The following CDK6 variants were observed in gnomAD, a reference collection of about 807,000 sequenced individuals.
CDK6 encodes cyclin-dependent kinase 6.
In CDK6, 6 loss-of-function variants were observed where a neutral mutation model predicts 37.1. That is an observed-to-expected ratio of 0.16 (90% CI 0.09 to 0.32). The LOEUF (loss-of-function observed/expected upper bound fraction) is 0.32, where lower values mean the gene tolerates loss of function less well. CDK6 is among the 10% of genes least tolerant of loss of function. CDK6 has a pLI of 1.00. For missense variants in CDK6, 224 were observed against 418.9 expected, an observed-to-expected ratio of 0.53 and a Z score of 4.06; for synonymous variants, 160 against 161.3, an observed-to-expected ratio of 0.99 and a Z score of 0.06.
rs147710509 is a variant in CDK6 at position 92,827,133 on chromosome 7, A to C, written c.233+5958T>G. 4.0e-3 allele frequency among the ~76,000 whole-genome samples: 603 copies of C among 152,308 alleles called. 2 individuals carry two copies. The highest frequency in any genetic ancestry group is 0.014 in the African/African-American group (581 of 41,568). ...TAAAACTGTTCACTAACAGTGAGAT[A>C]ATTTTTTGCATTCATAAAACAACTC... On this transcript the variant is annotated intron_variant, in intron 2 of 7. Transcript: ENST00000424848.
intron 2 of CDK6, among the ~76,000 whole-genome samples, chr7:92,806,914 C>T (rs1434091191): frequency 6.6e-6 from 1 of 152,162 alleles, no homozygotes; most frequent in East Asian, 1.9e-4. Context: ...TTGTGTTTCC[C>T]ACAAGAGACA....
intron 2 of CDK6, among the ~76,000 whole-genome samples, chr7:92,813,020 C>A (rs1168584279): frequency 6.6e-6 from 1 of 152,182 alleles, no homozygotes; most frequent in African/African-American, 2.4e-5. Flanking sequence ...AAGTAAGTTA[C>A]AACTAAATTC....
intron 4 of CDK6, among the ~76,000 whole-genome samples, chr7:92,696,733 T>C (rs1271444513): frequency 6.6e-6 from 1 of 152,206 alleles, no homozygotes; most frequent in Non-Finnish European, 1.5e-5. Flanking sequence ...TCATGGACAG[T>C]GTCACCCCTT....
At chr7:92,831,387 C>G (rs556189471) in intron 2 of CDK6, among the ~76,000 whole-genome samples, 2 of 152,302 alleles carry the variant, frequency 1.3e-5, no homozygotes, top group East Asian at 3.9e-4. Context: ...ATGATAAGCA[C>G]CCTTAACTGG....
chr7:92,663,155 G>C (rs1471061806), intron 5 of CDK6, among the ~76,000 whole-genome samples: 1 of 152,078 alleles, frequency 6.6e-6, no homozygotes, highest in Non-Finnish European at 1.5e-5. Flanking sequence ...GAAGTAAGAG[G>C]GAAGAAAGAA....
At chr7:92,675,411 T>A (rs948784977) in intron 4 of CDK6, among the ~76,000 whole-genome samples, 1 of 152,216 alleles carries the variant, frequency 6.6e-6, no homozygotes, top group Non-Finnish European at 1.5e-5. Flanking sequence ...TAATGACGTA[T>A]TAGTTACATT....
chr7:92,748,808 A>T (rs1799118964), intron 3 of CDK6, among the ~76,000 whole-genome samples: 1 of 152,108 alleles, frequency 6.6e-6, no homozygotes, highest in South Asian at 2.1e-4. Context: ...ATATATGACT[A>T]CTCATATCCC....
In CDK6 at chr7:92,611,452, TAAAAG is replaced by T; in HGVS notation, c.*3683_*3687del. ...TCATAAGAATAGTCAAATTGTCACT[TAAAAG>T]AAAAGCAATATTTTAGAAGAATTTT... On this transcript the variant is annotated 3_prime_UTR_variant, in exon 8 of 8. Coordinates refer to ENST00000424848, the MANE Select transcript of CDK6 (RefSeq NM_001145306.2). 1 of 227,250 alleles carries T rather than the reference TAAAAG, an allele frequency of 4.4e-6. No homozygotes were observed. Among genetic ancestry groups the T allele is most frequent in the Non-Finnish European group, 8.7e-6 (1 of 114,338 alleles). The allele number at this position is 227,250 out of a possible 1,614,324, so 14.1% of individuals were successfully genotyped here. A position where few individuals can be genotyped will look rare whatever the true frequency, so the allele number is the denominator to read the frequency against.
chr7:92,725,879 T>C (rs2116711379), intron 3 of CDK6, 86 bp from the exon 4 acceptor site: 1 of 1,225,156 alleles, frequency 8.2e-7, no homozygotes, highest in South Asian at 1.4e-5. Flanking sequence ...CCTTAGCATT[T>C]TGTGGCTGCT....
chr7:92,777,799 T>C (rs2115799664), intron 2 of CDK6, among the ~76,000 whole-genome samples: 1 of 152,322 alleles, frequency 6.6e-6, no homozygotes, highest in Admixed American at 6.5e-5. Context: ...GGGGATAGCA[T>C]TGAATATATA....
At position 92,686,320 on chromosome 7, in the gene CDK6, T is replaced by TC. The variant is rs1797452864; in HGVS notation, c.538-14786dup. On this transcript the variant is annotated intron_variant, in intron 4 of 7. Coordinates refer to ENST00000424848, the MANE Select transcript of CDK6 (RefSeq NM_001145306.2). ...CCCTGAATCCCCAAAGTCCACTGTA[T>TC]CATTCTTATGCCTTTGCATCCTCAT... Among the ~76,000 whole-genome samples, 8 of 152,204 alleles carry TC rather than the reference T, an allele frequency of 5.3e-5. No homozygotes were observed. The South Asian group carries it at 1.7e-3, about 32-fold the overall frequency.
At chr7:92,717,739 G>C (rs554677499) in intron 4 of CDK6, among the ~76,000 whole-genome samples, 2 of 152,194 alleles carry the variant, frequency 1.3e-5, no homozygotes, top group African/African-American at 4.8e-5. Context: ...TGAGTCAAAT[G>C]AATGACTATC....
At chr7:92,668,305 G>T (rs1332534668) in intron 5 of CDK6, among the ~76,000 whole-genome samples, 4 of 152,098 alleles carry the variant, frequency 2.6e-5, no homozygotes, top group Non-Finnish European at 5.9e-5. Context: ...GACAATGTTC[G>T]CAAAATGACA....
At chr7:92,740,312 T>C (rs1478026060) in intron 3 of CDK6, among the ~76,000 whole-genome samples, 1 of 152,174 alleles carries the variant, frequency 6.6e-6, no homozygotes, top group Non-Finnish European at 1.5e-5. Context: ...TATCCCCCGA[T>C]ATACACACAT....
chr7:92,707,698 G>GCA (rs770301386), intron 4 of CDK6, among the ~76,000 whole-genome samples: 5 of 152,138 alleles, frequency 3.3e-5, no homozygotes, highest in Non-Finnish European at 7.4e-5. Flanking sequence ...GCGTGCATGC[G>GCA]CACACACACA....
chr7:92,806,395 T>TC (rs1232100889), intron 2 of CDK6, among the ~76,000 whole-genome samples: 2 of 152,186 alleles, frequency 1.3e-5, no homozygotes, highest in Non-Finnish European at 2.9e-5. Context: ...TGTCAGTGAT[T>TC]CCCCCCACCA....
chr7:92,774,571 T>G lies in CDK6; in HGVS notation c.369+125A>C, dbSNP rs146684323. The G allele has an allele frequency of 2.0e-4, 166 of 814,750 alleles. 2 individuals are homozygous for G. In the African/African-American group the frequency reaches 2.7e-3, roughly 13 times the overall value. The allele number at this position is 814,750 out of a possible 1,614,324, so 50.5% of individuals were successfully genotyped here. A position where few individuals can be genotyped will look rare whatever the true frequency, so the allele number is the denominator to read the frequency against. On this transcript the variant is annotated intron_variant, in intron 3 of 7. Transcript: ENST00000424848. Reference sequence around the variant, plus strand: ...CCAATCTTTGAACATTTTCTTTGATTTTTTTAACTATATACCGAATTCTAA... The same window carrying G: ...CCAATCTTTGAACATTTTCTTTGATGTTTTTAACTATATACCGAATTCTAA...
At chr7:92,836,344 A>C (rs1190876320) in intron 1 of CDK6, 134 bp downstream of exon 1, 3 of 151,358 alleles carry the variant, frequency 2.0e-5, no homozygotes, top group Admixed American at 6.6e-5. Flanking sequence ...CCAAGGAAAC[A>C]CAGGTCCCCC....
chr7:92,730,081 T>C (rs1317792249), intron 3 of CDK6, among the ~76,000 whole-genome samples: 2 of 152,190 alleles, frequency 1.3e-5, no homozygotes, highest in Non-Finnish European at 2.9e-5. Flanking sequence ...GTATGATTAT[T>C]TCCAAAAGAC....
Sources: allele counts gnomAD v4.1 joint callset (sites outside exome capture counted in the v4.1 genomes callset), GRCh38; gene constraint gnomAD v4.1.1; transcripts MANE v1.5; gene names NCBI Gene and HGNC (gene_info 2026-07-23, HGNC 2026-07-21).